The following NEK9 variants were observed in gnomAD, a reference collection of about 807,000 sequenced individuals.
NEK9 encodes the protein NIMA related kinase 9, also known as serine/threonine-protein kinase Nek9.
Under a neutral mutation model 123.4 loss-of-function variants are expected in NEK9, and 75 were observed. The observed-to-expected ratio is 0.61, with a 90% CI of 0.50 to 0.74. The LOEUF is 0.74. Among genes scored for constraint, NEK9 ranks in the 30% least tolerant of loss-of-function variants. NEK9 has a pLI of 0.00. For missense variants in NEK9, 952 were observed against 1,214.4 expected, an observed-to-expected ratio of 0.78 and a Z score of 3.21; for synonymous variants, 438 against 458.7, an observed-to-expected ratio of 0.95 and a Z score of 0.58.
intron 15 of NEK9, 85 bp from the exon 16 acceptor site, chr14:75,101,238 A>G (rs1594833595): frequency 4.4e-6 from 6 of 1,377,858 alleles, no homozygotes; most frequent in Non-Finnish European, 5.9e-6. Context: ...TTCATGGATT[A>G]GCTTCCGGTT....
At position 75,107,233 on chromosome 14, in the gene NEK9, G is replaced by A. The variant is rs995300824; in HGVS notation, c.1327+110C>T. The stretch of plus-strand genomic sequence containing the variant: ...TGAGTATATTTGCTCAAGGTCCTCT[G>A]GTTCTTTGTATACTGTCTTTTGTTT... On this transcript the variant is annotated intron_variant, in intron 11 of 21. Coordinates refer to ENST00000238616, the MANE Select transcript of NEK9 (RefSeq NM_033116.6). The A allele has an allele frequency of 1.1e-5, 13 of 1,166,068 alleles. No homozygotes were observed. The East Asian group carries it at 1.5e-4, about 14-fold the overall frequency. The allele number at this position is 1,166,068 out of a possible 1,614,324, so 72.2% of individuals were successfully genotyped here. A position where few individuals can be genotyped will look rare whatever the true frequency, so the allele number is the denominator to read the frequency against.
chr14:75,102,135 G>T (rs1035512067), intron 14 of NEK9, among the ~76,000 whole-genome samples: 4 of 152,070 alleles, frequency 2.6e-5, no homozygotes, highest in African/African-American at 7.2e-5. Flanking sequence ...AAAGTCCTGA[G>T]GACTGTCTCC....
chr14:75,097,564 A>G (rs771114307), intron 16 of NEK9, among the ~76,000 whole-genome samples: 2 of 152,190 alleles, frequency 1.3e-5, no homozygotes, highest in African/African-American at 4.8e-5. Flanking sequence ...CTATTTCATG[A>G]CAGGTACTGC....
rs778240171 is a variant in NEK9, at chr14:75,091,426, T to C, written c.2286A>G (p.Glu762=). Residue 762 remains glutamate, a synonymous_variant, in exon 19 of 22, where the codon GAA becomes GAG. Transcript: ENST00000238616. ...TTTCAGATTCCTGCTGACTGTCCTCTTCTTCACCACCGCCGCCCCCGCCGC... is the reference window on the plus strand; with the variant it reads ...TTTCAGATTCCTGCTGACTGTCCTCCTCTTCACCACCGCCGCCCCCGCCGC... ...GGGGGGGGGE[E]EDSQQESETP... 6.2e-7 allele frequency: 1 copy of C among 1,612,572 alleles called. No individual in the cohort carries two copies. Among genetic ancestry groups the C allele is most frequent in the Non-Finnish European group, 8.5e-7 (1 of 1,179,562 alleles).
intron 18 of NEK9, among the ~76,000 whole-genome samples, chr14:75,092,507 TCCACCCG>T (rs1251120675): frequency 2.0e-5 from 3 of 152,148 alleles, no homozygotes; most frequent in Non-Finnish European, 2.9e-5. Flanking sequence ...CCTCAAGTGA[TCCACCCG>T]CCTCGGCCTC....
At chr14:75,087,441 C>A (rs970583855) in intron 20 of NEK9, among the ~76,000 whole-genome samples, 1 of 152,214 alleles carries the variant, frequency 6.6e-6, no homozygotes, top group African/African-American at 2.4e-5. Flanking sequence ...CTGCCTCAGT[C>A]CCCATTAGGC....
At chr14:75,120,642 C>T in intron 3 of NEK9, 62 bp from the exon 4 acceptor site, 1 of 1,204,422 alleles carries the variant, frequency 8.3e-7, no homozygotes, top group Non-Finnish European at 1.2e-6. Context: ...TAAATACACA[C>T]ACACATAAAC....
At chr14:75,097,601 C>A (rs936174286) in intron 16 of NEK9, among the ~76,000 whole-genome samples, 3 of 152,128 alleles carry the variant, frequency 2.0e-5, no homozygotes. Context: ...GTGAACAAAA[C>A]CAAGTCCTTG....
intron 8 of NEK9, among the ~76,000 whole-genome samples, chr14:75,111,807 C>T (rs1318803595): frequency 6.6e-6 from 1 of 152,170 alleles, no homozygotes; most frequent in African/African-American, 2.4e-5. Context: ...AGGAGAACTG[C>T]TTAAACCTGG....
rs1442332299 is a variant in NEK9 at position 75,080,499 on chromosome 14, AC to A, written c.*4064del. Reference sequence around the variant, plus strand: ...CTGCTTCTTAATGTCTGTATTTTATACAACTTTATCCAAGAAATGTTTAGTG... The same window carrying A: ...CTGCTTCTTAATGTCTGTATTTTATAAACTTTATCCAAGAAATGTTTAGTG... On this transcript the variant is annotated 3_prime_UTR_variant, in exon 22 of 22. Coordinates refer to ENST00000238616, the MANE Select transcript of NEK9 (RefSeq NM_033116.6). The A allele has an allele frequency of 1.3e-5, 2 of 152,156 alleles. No individual in the cohort carries two copies. The highest frequency in any genetic ancestry group is 4.8e-5 in the African/African-American group (2 of 41,438). 9.4% of individuals were successfully genotyped at this position (152,156 alleles called of 1,614,324 possible). A position where few individuals can be genotyped will look rare whatever the true frequency, so the allele number is the denominator to read the frequency against.
intron 6 of NEK9, among the ~76,000 whole-genome samples, chr14:75,114,819 T>C (rs1369245784): frequency 1.3e-5 from 2 of 152,166 alleles, no homozygotes; most frequent in Admixed American, 6.5e-5. Context: ...ACATATATGA[T>C]ATTTTTTAGC....
intron 21 of NEK9, 108 bp downstream of exon 21, chr14:75,086,910 A>G (rs1037319047): frequency 2.5e-6 from 3 of 1,205,128 alleles, no homozygotes; most frequent in Non-Finnish European, 3.6e-6. Context: ...GTCTCAAAAA[A>G]AAAGTAAGGA....
chr14:75,103,633 T>A (rs1894664194), intron 14 of NEK9, among the ~76,000 whole-genome samples: 1 of 152,212 alleles, frequency 6.6e-6, no homozygotes, highest in Admixed American at 6.5e-5. Flanking sequence ...TCTGCCAGTA[T>A]AAGTTAATTT....
intron 8 of NEK9, 31 bp from the exon 9 acceptor site, chr14:75,110,402 G>C: frequency 6.4e-7 from 1 of 1,561,858 alleles, no homozygotes; most frequent in Non-Finnish European, 8.8e-7. Flanking sequence ...ATACATGAGT[G>C]AAATAATAGG....
chr14:75,123,746 CTAA>C (rs1357083425), intron 2 of NEK9, among the ~76,000 whole-genome samples: 1 of 152,118 alleles, frequency 6.6e-6, no homozygotes, highest in Admixed American at 6.5e-5. Context: ...CTCTGGTTAA[CTAA>C]TGTCATTTCA....
chr14:75,114,001 A>G (rs1895045987), intron 7 of NEK9, among the ~76,000 whole-genome samples: 1 of 152,242 alleles, frequency 6.6e-6, no homozygotes, highest in African/African-American at 2.4e-5. Context: ...TAACACTTAC[A>G]AAACAGAATG....
chr14:75,120,433 GTGT>G (rs1173178599), intron 4 of NEK9, 74 bp downstream of exon 4: 1 of 923,156 alleles, frequency 1.1e-6, no homozygotes, highest in East Asian at 2.5e-5. Flanking sequence ...GAAAATAAAA[GTGT>G]TGTTGGGGGG....
At chr14:75,106,433 A>C (rs767396041) in intron 12 of NEK9, 69 bp downstream of exon 12, 30 of 1,209,808 alleles carry the variant, frequency 2.5e-5, no homozygotes, top group Non-Finnish European at 3.6e-5. Flanking sequence ...TGATGGGTTT[A>C]GATGCATACA....
At chr14:75,117,858 A>C (rs946798121) in intron 5 of NEK9, among the ~76,000 whole-genome samples, 1 of 152,236 alleles carries the variant, frequency 6.6e-6, no homozygotes, top group African/African-American at 2.4e-5. Context: ...AAATTTGGAA[A>C]TAAAAATGTC....
Sources: gnomAD v4.1 joint callset for allele counts (sites outside exome capture counted in the v4.1 genomes callset) on GRCh38, gnomAD v4.1.1 for gene constraint, MANE v1.5 for transcripts, NCBI Gene and HGNC (gene_info 2026-07-23, HGNC 2026-07-21) for gene names.